Variants in PTPRC observed in about 807,000 individuals in gnomAD.
PTPRC encodes protein tyrosine phosphatase receptor type C.
A neutral mutation model predicts 155.9 loss-of-function variants in PTPRC; 44 were observed. The ratio of observed to expected loss-of-function variants is 0.28; its 90% CI spans 0.22 to 0.36. The LOEUF is 0.36. PTPRC is among the 10% of genes least tolerant of loss of function. PTPRC has a pLI of 1.00. For synonymous variants in PTPRC, 525 were observed against 533.1 expected, an observed-to-expected ratio of 0.98 and a Z score of 0.21; for missense variants, 1,401 against 1,564.6, an observed-to-expected ratio of 0.90 and a Z score of 1.76.
rs12134940 is a variant in PTPRC at position 198,694,393 on chromosome 1, C to T, written c.100+2020C>T. 0.014 allele frequency: 15,553 copies of T among 1,088,604 alleles called. 170 individuals carry two copies. The highest frequency in any genetic ancestry group is 0.015 in the Non-Finnish European group (13,039 of 846,246). The allele number at this position is 1,088,604 out of a possible 1,614,324, so 67.4% of individuals were successfully genotyped here. The stretch of plus-strand genomic sequence containing the variant: ...CAAATGTTAATCTCCCTTGGCAATA[C>T]GCTCACAGGCACACCCAGGAACAAT... On this transcript the variant is annotated intron_variant, in intron 3 of 32. Coordinates refer to ENST00000442510, the MANE Select transcript of PTPRC (RefSeq NM_002838.5).
intron 2 of PTPRC, among the ~76,000 whole-genome samples, chr1:198,688,432 A>C (rs1665750149): frequency 6.6e-6 from 1 of 152,180 alleles, no homozygotes. Flanking sequence ...TATGCCCATT[A>C]TTCTGTCCTC....
At chr1:198,713,553 T>C (rs572962428) in intron 12 of PTPRC, among the ~76,000 whole-genome samples, 46 of 152,028 alleles carry the variant, frequency 3.0e-4, no homozygotes, top group Non-Finnish European at 5.3e-4. Context: ...CTTGGGAGCA[T>C]AGTTCTAAGT....
chr1:198,668,278 T>C (rs1664438313), intron 2 of PTPRC, among the ~76,000 whole-genome samples: 1 of 152,150 alleles, frequency 6.6e-6, no homozygotes, highest in Non-Finnish European at 1.5e-5. Context: ...ACTCCTGAGC[T>C]CCTGTGATTC....
chr1:198,649,008 A>G (rs1253878626), intron 2 of PTPRC, among the ~76,000 whole-genome samples: 1 of 151,894 alleles, frequency 6.6e-6, no homozygotes, highest in Non-Finnish European at 1.5e-5. Flanking sequence ...ATCTTATTCC[A>G]GGAAGTGTAG....
At chr1:198,752,905 T>G in intron 31 of PTPRC, 133 bp downstream of exon 31, 2 of 906,288 alleles carry the variant, frequency 2.2e-6, no homozygotes, top group Non-Finnish European at 3.5e-6. Context: ...AGTCGGTCAC[T>G]CTCTTGGTTG....
intron 11 of PTPRC, among the ~76,000 whole-genome samples, chr1:198,710,364 G>A (rs1466426315): frequency 1.3e-5 from 2 of 152,142 alleles, no homozygotes; most frequent in East Asian, 1.9e-4. Context: ...ACTGGAAACT[G>A]TAAGTTCCCC....
At chr1:198,666,847 A>G (rs1664340322) in intron 2 of PTPRC, among the ~76,000 whole-genome samples, 1 of 152,212 alleles carries the variant, frequency 6.6e-6, no homozygotes, top group Non-Finnish European at 1.5e-5. Flanking sequence ...GACCTTGTAG[A>G]TCACTGCATC....
At chr1:198,748,453 G>T (rs2102535110) in intron 27 of PTPRC, among the ~76,000 whole-genome samples, 1 of 151,810 alleles carries the variant, frequency 6.6e-6, no homozygotes, top group African/African-American at 2.4e-5. Context: ...GAAATGGGTT[G>T]TCATAAAAGA....
At chr1:198,742,145 T>C (rs1438362932) in intron 24 of PTPRC, 87 bp from the exon 25 acceptor site, 15 of 1,603,290 alleles carry the variant, frequency 9.4e-6, no homozygotes, top group Non-Finnish European at 1.2e-5. Flanking sequence ...AAACAACCTA[T>C]GGGAGAAGCT....
intron 2 of PTPRC, among the ~76,000 whole-genome samples, chr1:198,655,548 C>T (rs1215037200): frequency 1.3e-5 from 2 of 152,010 alleles, no homozygotes; most frequent in Non-Finnish European, 2.9e-5. Context: ...AATCCTAACT[C>T]TATTACTAAT....
intron 29 of PTPRC, 37 bp from the exon 30 acceptor site, chr1:198,752,212 T>C: frequency 3.8e-6 from 6 of 1,598,906 alleles, no homozygotes; most frequent in Non-Finnish European, 5.1e-6. Context: ...ATATTTCAAA[T>C]AGGAAACAAA....
At chr1:198,704,777 C>T (rs955681637) in intron 8 of PTPRC, among the ~76,000 whole-genome samples, 8 of 152,114 alleles carry the variant, frequency 5.3e-5, no homozygotes, top group Middle Eastern at 3.2e-3. Flanking sequence ...TGCTGGGCGT[C>T]GAATTCAATT....
intron 23 of PTPRC, among the ~76,000 whole-genome samples, chr1:198,737,727 T>C (rs1234459878): frequency 6.6e-6 from 1 of 151,784 alleles, no homozygotes; most frequent in Non-Finnish European, 1.5e-5. Context: ...AGATATTGCA[T>C]TGAATCTGTA....
intron 2 of PTPRC, chr1:198,679,803 G>A (rs1665196620): frequency 3.7e-6 from 2 of 546,468 alleles, no homozygotes; most frequent in Non-Finnish European, 6.6e-6. Context: ...GCCATTCAGT[G>A]TATTGGGGCT....
intron 2 of PTPRC, among the ~76,000 whole-genome samples, chr1:198,668,578 AG>A (rs1664455168): frequency 6.6e-6 from 1 of 152,220 alleles, no homozygotes; most frequent in South Asian, 2.1e-4. Flanking sequence ...AGCATAAGTA[AG>A]GGGGCCTGAG....
intron 4 of PTPRC, among the ~76,000 whole-genome samples, chr1:198,698,883 C>A (rs1044571284): frequency 1.3e-5 from 2 of 152,102 alleles, no homozygotes; most frequent in Admixed American, 6.5e-5. Context: ...CTTAAAGATA[C>A]CTTTTTAACC....
chr1:198,686,092 A>T (rs1036458897), intron 2 of PTPRC, among the ~76,000 whole-genome samples: 1 of 152,108 alleles, frequency 6.6e-6, no homozygotes, highest in Non-Finnish European at 1.5e-5. Context: ...ACTTCAAGGT[A>T]ACTTTGATTT....
At chr1:198,718,063 A>G in intron 13 of PTPRC, 31 bp from the exon 14 acceptor site, 2 of 1,518,054 alleles carry the variant, frequency 1.3e-6, no homozygotes, top group Non-Finnish European at 1.8e-6. Context: ...CTATTAAATT[A>G]TTAATAACAA....
At chr1:198,654,842 C>T (rs1663466151) in intron 2 of PTPRC, among the ~76,000 whole-genome samples, 1 of 151,766 alleles carries the variant, frequency 6.6e-6, no homozygotes, top group South Asian at 2.1e-4. Context: ...TTAAACACAT[C>T]AATTTTTCAT....
Sources: allele counts gnomAD v4.1 joint callset (sites outside exome capture counted in the v4.1 genomes callset), GRCh38; gene constraint gnomAD v4.1.1; transcripts MANE v1.5; gene names NCBI Gene and HGNC (gene_info 2026-07-23, HGNC 2026-07-21).